Variants in EXT2 observed in about 807,000 individuals in gnomAD.
The protein encoded by EXT2 is exostosin glycosyltransferase 2, also known as exostosin-2.
A neutral mutation model predicts 81.6 loss-of-function variants in EXT2; 53 were observed. The observed-to-expected ratio is 0.65, with a 90% confidence interval of 0.52 to 0.82. The LOEUF (loss-of-function observed/expected upper bound fraction) is 0.82. Among genes scored for constraint, EXT2 ranks in the 40% least tolerant of loss-of-function variants. EXT2 has a pLI of 0.00. For missense variants in EXT2, 774 were observed against 910.2 expected (o/e 0.85, Z 1.93); for synonymous variants, 320 against 340.0 (o/e 0.94, Z 0.65).
chr11:44,155,977 T>G (rs941973275), intron 7 of EXT2, among the ~76,000 whole-genome samples: 3 of 152,206 alleles, frequency 2.0e-5, no homozygotes, highest in African/African-American at 4.8e-5. Flanking sequence ...TCCTCCTTTA[T>G]GTTTGAAGAA....
chr11:44,103,431 A>C (rs1954013688), intron 1 of EXT2, among the ~76,000 whole-genome samples: 1 of 152,240 alleles, frequency 6.6e-6, no homozygotes, highest in African/African-American at 2.4e-5. Context: ...AGCAAATGTC[A>C]GTATTAAACT....
Position 44,251,576 on chromosome 11 carries a change from A to G in EXT2, c.*7289A>G, listed in dbSNP as rs1008989645. ...TTCTCGGTACAGATTACTCTGGTTA[A>G]ATCACTCAGTAAAGAAATCTTTTCA... On this transcript the variant is annotated 3_prime_UTR_variant, in exon 14 of 14. Coordinates refer to ENST00000533608, the MANE Select transcript of EXT2 (RefSeq NM_207122.2). Among the ~76,000 whole-genome samples, 2 of 152,234 alleles carry G rather than the reference A, an allele frequency of 1.3e-5. No homozygotes were observed. The highest frequency in any genetic ancestry group is 2.9e-5 in the Non-Finnish European group (2 of 68,032).
chr11:44,116,785 C>G (rs1954226874), intron 4 of EXT2: 1 of 152,104 alleles, frequency 6.6e-6, no homozygotes, highest in African/African-American at 2.4e-5. Flanking sequence ...TTTTCATGTG[C>G]TTATTGGCCA....
At chr11:44,103,171 C>T (rs1954009957) in intron 1 of EXT2, among the ~76,000 whole-genome samples, 1 of 151,874 alleles carries the variant, frequency 6.6e-6, no homozygotes, top group African/African-American at 2.4e-5. Flanking sequence ...ATTTTTCTCC[C>T]CTTTGGCTGC....
At chr11:44,162,471 G>C (rs1347406710) in intron 7 of EXT2, among the ~76,000 whole-genome samples, 1 of 151,562 alleles carries the variant, frequency 6.6e-6, no homozygotes, top group African/African-American at 2.4e-5. Flanking sequence ...AGCTACTCGG[G>C]AGGCTGAGGT....
At chr11:44,201,612 A>G (rs1184223300) in intron 9 of EXT2, among the ~76,000 whole-genome samples, 1 of 152,226 alleles carries the variant, frequency 6.6e-6, no homozygotes, top group Non-Finnish European at 1.5e-5. Context: ...TAGGAAAATC[A>G]TCATGTGTTG....
At chr11:44,195,227 G>C (rs571831605) in intron 8 of EXT2, among the ~76,000 whole-genome samples, 82 of 152,198 alleles carry the variant, frequency 5.4e-4, no homozygotes, top group African/African-American at 1.9e-3. Context: ...CTGAGGTCGG[G>C]AGTTCGAGAC....
rs1956116232 is a variant in EXT2, at chr11:44,248,784, C to T, written c.*4497C>T. ...GGGTGTGTGGGTCTGTACAGGCAAC[C>T]TTGTGTCATTCTTTCAATTTCCGGC... On this transcript the variant is annotated 3_prime_UTR_variant, in exon 14 of 14. Transcript: ENST00000533608. Among the ~76,000 whole-genome samples the T allele has an allele frequency of 1.3e-5, 2 of 152,120 alleles. No individual in the cohort carries two copies. The highest frequency in any genetic ancestry group is 1.5e-5 in the Non-Finnish European group (1 of 68,022).
At chr11:44,134,064 C>T (rs1041254378) in intron 7 of EXT2, among the ~76,000 whole-genome samples, 1 of 152,246 alleles carries the variant, frequency 6.6e-6, no homozygotes, top group African/African-American at 2.4e-5. Context: ...TCTCTGGTAT[C>T]TATTCCTGAA....
Position 44,130,146 on chromosome 11 carries a change from G to C in EXT2, c.1173+8G>C, listed in dbSNP as rs374168676. 9.3e-6 allele frequency: 15 copies of C among 1,611,974 alleles called. No homozygotes were observed. Among genetic ancestry groups the C allele is most frequent in the Non-Finnish European group, 1.3e-5 (15 of 1,178,174 alleles). On this transcript the variant is annotated splice_region_variant and intron_variant, in intron 7 of 13. Transcript: ENST00000533608. ...GAAGAAATGCAGAGACAGGTAAGAG[G>C]CCAAGTCTTGGGGAGGTGACATGGG...
At chr11:44,205,559 C>A (rs910906657) in intron 9 of EXT2, among the ~76,000 whole-genome samples, 5 of 152,204 alleles carry the variant, frequency 3.3e-5, no homozygotes, top group Middle Eastern at 3.2e-3. Context: ...ACCGTGAATA[C>A]AGGGCCTCTC....
chr11:44,106,319 C>A (rs1222290728), intron 1 of EXT2, among the ~76,000 whole-genome samples: 1 of 152,044 alleles, frequency 6.6e-6, no homozygotes, highest in East Asian at 1.9e-4. Context: ...CTTTCTCTTC[C>A]TTTTCCTCCC....
chr11:44,126,332 G>T (rs1230062398), intron 5 of EXT2, among the ~76,000 whole-genome samples: 1 of 152,158 alleles, frequency 6.6e-6, no homozygotes, highest in East Asian at 1.9e-4. Flanking sequence ...GATGCTATGG[G>T]GGGTAGAAAC....
intron 11 of EXT2, among the ~76,000 whole-genome samples, chr11:44,233,770 A>G (rs1955925838): frequency 6.6e-6 from 1 of 152,178 alleles, no homozygotes; most frequent in African/African-American, 2.4e-5. Context: ...CCCAAAAACT[A>G]AGGTTTACAA....
chr11:44,231,505 A>G (rs75222946), intron 10 of EXT2, among the ~76,000 whole-genome samples: 2,673 of 152,324 alleles, frequency 0.018, 38 homozygotes, highest in Non-Finnish European at 0.026. Flanking sequence ...ATTATTGATG[A>G]TATTTAAAGT....
Position 44,215,474 on chromosome 11 carries a change from T to C in EXT2, c.1662+8515T>C, listed in dbSNP as rs148351750. Among the ~76,000 whole-genome samples the C allele has an allele frequency of 9.3e-3, 1,415 of 152,356 alleles. 17 individuals carry two copies. The highest frequency in any genetic ancestry group is 0.011 in the Non-Finnish European group (732 of 68,030). ...TCAGAAAATATACTCTACGATTTTA[T>C]TATTTTAGAATTTATTGAAACTATA... On this transcript the variant is annotated intron_variant, in intron 10 of 13. Transcript: ENST00000533608.
At chr11:44,156,369 G>A (rs1051090764) in intron 7 of EXT2, among the ~76,000 whole-genome samples, 4 of 151,732 alleles carry the variant, frequency 2.6e-5, no homozygotes, top group Non-Finnish European at 4.4e-5. Flanking sequence ...TCTTAGATTC[G>A]CCCTTTTGAA....
chr11:44,236,358 A>AACAC lies in EXT2; in HGVS notation c.2005_2008dup (p.Met670ThrfsTer29). On this transcript the variant is annotated frameshift_variant, in exon 13 of 14. Transcript: ENST00000533608. LOFTEE classifies it high-confidence loss of function. ...CCATAGATGGGCTTTCACTAGACCA[A>AACAC]ACACACATGGTGGAGAGGTAAGTGA... is the stretch of plus-strand genomic sequence containing the variant. The AACAC allele has an allele frequency of 6.2e-7, 1 of 1,614,064 alleles. No individual in the cohort carries two copies. Among genetic ancestry groups the AACAC allele is most frequent in the Non-Finnish European group, 8.5e-7 (1 of 1,180,008 alleles).
intron 4 of EXT2, among the ~76,000 whole-genome samples, 153 bp downstream of exon 4, chr11:44,114,454 GTCTCATTCATCTTGCAGTTT>G (rs1302238120): frequency 5.3e-5 from 8 of 152,212 alleles, no homozygotes; most frequent in Non-Finnish European, 1.2e-4. Context: ...CCTCCATGCA[GTCTCATTCATCTTGCAGTTT>G]TCTCTGTCTC....
Sources: gnomAD v4.1 joint callset for allele counts (sites outside exome capture counted in the v4.1 genomes callset) on GRCh38, gnomAD v4.1.1 for gene constraint, MANE v1.5 for transcripts, NCBI Gene and HGNC (gene_info 2026-07-23, HGNC 2026-07-21) for gene names.